Variants in ZSCAN4 observed in about 807,000 individuals in gnomAD.
ZSCAN4 encodes the protein zinc finger and SCAN domain-containing protein 4.
Under a neutral mutation model 18.3 loss-of-function variants are expected in ZSCAN4, and 18 were observed. The ratio of observed to expected loss-of-function variants is 0.98; its 90% CI spans 0.68 to 1.46. The LOEUF (loss-of-function observed/expected upper bound fraction) is 1.46, where lower values mean the gene tolerates loss of function less well. Ranked by LOEUF, ZSCAN4 falls within the 40% of genes most tolerant of loss-of-function variation. The pLI, the probability that ZSCAN4 is intolerant of heterozygous loss-of-function variation, is 0.00. For synonymous variants in ZSCAN4, 193 were observed against 180.3 expected (o/e 1.07, Z -0.57); for missense variants, 498 against 511.4 (o/e 0.97, Z 0.25).
chr19:57,676,650 A>T lies in ZSCAN4; in HGVS notation c.396+109A>T, dbSNP rs555358363. 1.1e-5 allele frequency: 14 copies of T among 1,256,066 alleles called. No homozygotes were observed. In the East Asian group the frequency reaches 3.4e-4, roughly 31 times the overall value. 77.8% of individuals were successfully genotyped at this position (1,256,066 alleles called of 1,614,324 possible). The stretch of plus-strand genomic sequence containing the variant: ...TAGAGAAGCTATTGGAGGTCCAGTT[A>T]TTAGTCAGCTCACACTCTCCCACCA... On this transcript the variant is annotated intron_variant, in intron 3 of 4. Transcript: ENST00000318203.
chr19:57,673,758 T>G (rs35973699), intron 2 of ZSCAN4, among the ~76,000 whole-genome samples: 36,331 of 151,462 alleles, frequency 0.24, 4,479 homozygotes, highest in Middle Eastern at 0.27. Flanking sequence ...TGATTATTAT[T>G]ATTATTATTA....
At chr19:57,665,718 G>A (rs1217136341), upstream of ZSCAN4, among the ~76,000 whole-genome samples, 1 of 152,074 alleles carries the variant, frequency 6.6e-6, no homozygotes, top group East Asian at 1.9e-4. Flanking sequence ...AGGAGTTCGA[G>A]ACCAGCCTGA....
At chr19:57,654,640 G>A in the ZSCAN4 span, among the ~76,000 whole-genome samples, 1 of 152,008 alleles carries the variant, frequency 6.6e-6, no homozygotes, top group African/African-American at 2.4e-5. Flanking sequence ...TTATTAACCA[G>A]GCAGTGGTGC....
upstream of ZSCAN4, among the ~76,000 whole-genome samples, chr19:57,667,330 G>T (rs1232045835): frequency 6.6e-6 from 1 of 152,134 alleles, no homozygotes; most frequent in Non-Finnish European, 1.5e-5. Context: ...TTACACAGTG[G>T]CTGTGTGTCT....
At chr19:57,668,950 A>G (rs1202351800) in exon 1 of ZSCAN4, 3 of 151,982 alleles carry the variant, frequency 2.0e-5, no homozygotes, top group Non-Finnish European at 2.9e-5. Context: ...TAATTCATAA[A>G]TCTCTGAAAA....
chr19:57,655,227 T>C, the ZSCAN4 span, among the ~76,000 whole-genome samples: 1 of 152,284 alleles, frequency 6.6e-6, no homozygotes, highest in Admixed American at 6.5e-5. Flanking sequence ...GATTCCCAAC[T>C]TGCTGACCAA....
the ZSCAN4 span, among the ~76,000 whole-genome samples, chr19:57,660,198 A>G: frequency 1.3e-5 from 2 of 152,238 alleles, no homozygotes; most frequent in Admixed American, 1.3e-4. Flanking sequence ...AAAATTCAGT[A>G]TTAATTGTTC....
At chr19:57,676,368 C>G in exon 3 of ZSCAN4, 1 of 1,614,128 alleles carries the variant, frequency 6.2e-7, no homozygotes, top group Non-Finnish European at 8.5e-7. Flanking sequence ...ATGGCTGCAA[C>G]CAGAAAAGCA....
At chr19:57,668,158 C>G (rs1422696206), upstream of ZSCAN4, among the ~76,000 whole-genome samples, 1 of 152,106 alleles carries the variant, frequency 6.6e-6, no homozygotes, top group Non-Finnish European at 1.5e-5. Context: ...CCCGCCTCGG[C>G]CTCCCAAAGT....
chr19:57,653,021 G>A, the ZSCAN4 span, among the ~76,000 whole-genome samples: 3 of 152,070 alleles, frequency 2.0e-5, no homozygotes, highest in Non-Finnish European at 4.4e-5. Flanking sequence ...TGGGGCCTTC[G>A]TTGTCCCCAG....
chr19:57,667,749 T>C (rs574454650), upstream of ZSCAN4, among the ~76,000 whole-genome samples: 5 of 152,244 alleles, frequency 3.3e-5, no homozygotes, highest in East Asian at 3.9e-4. Context: ...CCAAACCTTT[T>C]CCTTACAGCT....
exon 5 of ZSCAN4, chr19:57,678,315 G>C: frequency 2.5e-6 from 4 of 1,614,140 alleles, no homozygotes; most frequent in Non-Finnish European, 3.4e-6. Flanking sequence ...TGTTTCTTCT[G>C]ACAACCCATA....
Position 57,678,647 on chromosome 19 carries a change from CT to C in ZSCAN4, c.1046del (p.Phe349SerfsTer12). The stretch of plus-strand genomic sequence containing the variant: ...TTGTTTGTCCCGAGTGTCAAAAAGG[CT>C]TCTTCCAGATATCAGACCTACGGGT... On this transcript the variant is annotated frameshift_variant, in exon 5 of 5. Transcript: ENST00000318203. LOFTEE classifies it low-confidence loss of function (END_TRUNC). 1 of 1,614,080 alleles carries C rather than the reference CT, an allele frequency of 6.2e-7. No homozygotes were observed. Among genetic ancestry groups the C allele is most frequent in the African/African-American group, 1.3e-5 (1 of 75,048 alleles).
intron 2 of ZSCAN4, among the ~76,000 whole-genome samples, chr19:57,671,022 A>T (rs149794175): frequency 2.0e-5 from 3 of 152,052 alleles, no homozygotes; most frequent in East Asian, 1.9e-4. Context: ...CCACCACACC[A>T]GGTTAATTTT....
chr19:57,666,505 T>C (rs1376549794), upstream of ZSCAN4, among the ~76,000 whole-genome samples: 1 of 151,872 alleles, frequency 6.6e-6, no homozygotes, highest in East Asian at 1.9e-4. Context: ...TTTTTTGAAG[T>C]TGTTATTAAA....
At chr19:57,658,410 C>G in the ZSCAN4 span, among the ~76,000 whole-genome samples, 1 of 152,194 alleles carries the variant, frequency 6.6e-6, no homozygotes. Context: ...TGGTTACATG[C>G]TGTTTATATT....
chr19:57,669,479 G>T (rs1386126406), intron 1 of ZSCAN4, among the ~76,000 whole-genome samples: 1 of 151,920 alleles, frequency 6.6e-6, no homozygotes, highest in South Asian at 2.1e-4. Flanking sequence ...CCAGGCTGCA[G>T]TGCAGTGGCA....
At chr19:57,679,097 A>T (rs1052183796) in exon 5 of ZSCAN4, 6 of 476,968 alleles carry the variant, frequency 1.3e-5, no homozygotes, top group East Asian at 7.5e-5. Context: ...AGTGGTTGGG[A>T]AAGTGGAACA....
the ZSCAN4 span, among the ~76,000 whole-genome samples, chr19:57,657,702 C>A: frequency 1.4e-4 from 22 of 152,086 alleles, no homozygotes; most frequent in African/African-American, 4.8e-4. Flanking sequence ...TCCAGGACCC[C>A]CAAGGATACC....
Sources: gnomAD v4.1 joint callset for allele counts (sites outside exome capture counted in the v4.1 genomes callset) on GRCh38, gnomAD v4.1.1 for gene constraint, MANE v1.5 for transcripts, NCBI Gene and HGNC (gene_info 2026-07-23, HGNC 2026-07-21) for gene names.